ZNF385D: variants seen among roughly 807,000 people sequenced by gnomAD.
ZNF385D encodes zinc finger protein 385D.
ZNF385D carries 15 observed loss-of-function variants against 35.8 expected under a neutral mutation model. The observed-to-expected ratio is 0.42, with a 90% CI of 0.28 to 0.64. The LOEUF is 0.64. ZNF385D is among the 30% of genes least tolerant of loss of function. ZNF385D has a pLI of 0.23. For synonymous variants in ZNF385D, 212 were observed against 186.8 expected, an observed-to-expected ratio of 1.13 and a Z score of -1.10; for missense variants, 474 against 494.6, an observed-to-expected ratio of 0.96 and a Z score of 0.39.
intron 2 of ZNF385D, among the ~76,000 whole-genome samples, chr3:22,177,759 G>T: frequency 6.6e-6 from 1 of 152,100 alleles, no homozygotes; most frequent in East Asian, 1.9e-4. Flanking sequence ...ACAGTCCCTG[G>T]TGTGTGATGT....
chr3:22,315,319 T>C (rs897817745), intron 2 of ZNF385D, among the ~76,000 whole-genome samples: 12 of 152,180 alleles, frequency 7.9e-5, no homozygotes, highest in African/African-American at 2.7e-4. Context: ...CCTTTGGACC[T>C]TCAGGCAGAG....
chr3:21,981,899 T>G (rs973231260), intron 3 of ZNF385D, among the ~76,000 whole-genome samples: 6 of 152,118 alleles, frequency 3.9e-5, no homozygotes, highest in African/African-American at 1.4e-4. Context: ...TTCTGGGCTT[T>G]CTATCCTTTT....
At chr3:21,775,482 C>T (rs1290106931) in intron 3 of ZNF385D, among the ~76,000 whole-genome samples, 4 of 151,970 alleles carry the variant, frequency 2.6e-5, no homozygotes, top group Middle Eastern at 3.4e-3. Flanking sequence ...TGCTCTATTA[C>T]TCCAAAAATA....
intron 2 of ZNF385D, among the ~76,000 whole-genome samples, chr3:22,337,703 A>G (rs1348771813): frequency 6.6e-6 from 1 of 152,208 alleles, no homozygotes; most frequent in Non-Finnish European, 1.5e-5. Context: ...AGAAATAATT[A>G]AAAGCTTCAA....
intron 3 of ZNF385D, among the ~76,000 whole-genome samples, chr3:22,147,806 C>T (rs1323357178): frequency 6.6e-6 from 1 of 152,032 alleles, no homozygotes; most frequent in African/African-American, 2.4e-5. Flanking sequence ...TTTGCATTGG[C>T]CACAGATTCC....
intron 3 of ZNF385D, among the ~76,000 whole-genome samples, chr3:21,861,791 C>T (rs901169228): frequency 1.3e-5 from 2 of 152,110 alleles, no homozygotes; most frequent in Admixed American, 6.6e-5. Flanking sequence ...AATTTCATCT[C>T]TCTCACTCAG....
At chr3:21,982,958 T>A (rs532537978) in intron 3 of ZNF385D, among the ~76,000 whole-genome samples, 2 of 152,194 alleles carry the variant, frequency 1.3e-5, no homozygotes, top group South Asian at 4.1e-4. Flanking sequence ...TCATAGCGGA[T>A]TAGCTTTCTG....
intron 3 of ZNF385D, among the ~76,000 whole-genome samples, chr3:21,526,547 G>A (rs1232407512): frequency 1.3e-5 from 2 of 152,104 alleles, no homozygotes; most frequent in Non-Finnish European, 2.9e-5. Context: ...CATGGAGATA[G>A]GATAAAAACT....
At chr3:22,365,960 C>A (rs936765565) in intron 2 of ZNF385D, among the ~76,000 whole-genome samples, 2 of 152,004 alleles carry the variant, frequency 1.3e-5, no homozygotes, top group Non-Finnish European at 2.9e-5. Flanking sequence ...CCAAAATAAG[C>A]ATCATTAGTT....
chr3:21,953,971 G>C (rs977699812), intron 3 of ZNF385D, among the ~76,000 whole-genome samples: 1 of 151,982 alleles, frequency 6.6e-6, no homozygotes, highest in Non-Finnish European at 1.5e-5. Flanking sequence ...TTATAAAATC[G>C]TGGATAAATA....
At chr3:21,568,824 T>G (rs191139229) in intron 2 of ZNF385D, among the ~76,000 whole-genome samples, 1 of 152,302 alleles carries the variant, frequency 6.6e-6, no homozygotes, top group East Asian at 1.9e-4. Context: ...TGTAAAGGTT[T>G]CAATACATTA....
chr3:21,496,436 A>G (rs960554742), intron 4 of ZNF385D, among the ~76,000 whole-genome samples: 2 of 123,988 alleles, frequency 1.6e-5, no homozygotes, highest in African/African-American at 7.7e-5. Flanking sequence ...ATATATACAT[A>G]TATATACACA....
intron 2 of ZNF385D, among the ~76,000 whole-genome samples, chr3:22,269,248 A>G (rs1323347337): frequency 6.6e-6 from 1 of 151,984 alleles, no homozygotes; most frequent in African/African-American, 2.4e-5. Flanking sequence ...AATGAATGAG[A>G]GAAGTAATGG....
chr3:21,572,326 T>TGATATTTATTTTGCTTTTCATTTAA (rs2063359699), intron 2 of ZNF385D, among the ~76,000 whole-genome samples: 3 of 152,194 alleles, frequency 2.0e-5, no homozygotes, highest in Admixed American at 2.0e-4. Flanking sequence ...AATATGGAAA[T>TGATATTTATTTTGCTTTTCATTTAA]GATATTTATT....
chr3:21,442,461 T>G (rs992305312), intron 4 of ZNF385D, among the ~76,000 whole-genome samples: 3 of 152,136 alleles, frequency 2.0e-5, no homozygotes, highest in African/African-American at 7.2e-5. Flanking sequence ...GTGCTGACAT[T>G]CTGAAGTAGA....
intron 3 of ZNF385D, among the ~76,000 whole-genome samples, chr3:22,046,268 G>A (rs531690928): frequency 6.6e-6 from 1 of 152,144 alleles, no homozygotes; most frequent in South Asian, 2.1e-4. Context: ...TTCTAAAACT[G>A]CTCATTTTTG....
chr3:22,117,069 C>T (rs902721719), intron 3 of ZNF385D, among the ~76,000 whole-genome samples: 1 of 152,002 alleles, frequency 6.6e-6, no homozygotes, highest in Admixed American at 6.6e-5. Flanking sequence ...TTCAAACTGA[C>T]CCCAAATTCA....
In ZNF385D at chr3:21,624,372, A is replaced by G. The variant is rs570810305; in HGVS notation, c.165+40514T>C. ...AATTAGTCCTATATTAAATATGGAC[A>G]TTGAAGGAAGTAATTTTTTTCCCCA... On this transcript the variant is annotated intron_variant, in intron 2 of 7. Transcript: ENST00000281523. 3.2e-3 allele frequency among the ~76,000 whole-genome samples: 481 copies of G among 152,212 alleles called. 2 individuals carry two copies. Among genetic ancestry groups the G allele is most frequent in the African/African-American group, 0.011 (467 of 41,562 alleles).
intron 3 of ZNF385D, among the ~76,000 whole-genome samples, chr3:21,817,273 G>A (rs1454822764): frequency 1.3e-5 from 2 of 152,088 alleles, no homozygotes; most frequent in African/African-American, 4.8e-5. Flanking sequence ...CATAGGCATG[G>A]GCAAGGACTT....
Sources: gnomAD v4.1 joint callset for allele counts (sites outside exome capture counted in the v4.1 genomes callset) on GRCh38, gnomAD v4.1.1 for gene constraint, MANE v1.5 for transcripts, NCBI Gene and HGNC (gene_info 2026-07-23, HGNC 2026-07-21) for gene names.